MAPK8: variants seen among roughly 807,000 people sequenced by gnomAD.
MAPK8 encodes JUN N-terminal kinase.
MAPK8 carries 13 observed loss-of-function variants against 52.9 expected under a neutral mutation model. The ratio of observed to expected loss-of-function variants is 0.25; its 90% confidence interval spans 0.16 to 0.39. The LOEUF (loss-of-function observed/expected upper bound fraction) is 0.39, where lower values mean the gene tolerates loss of function less well. Among genes scored for constraint, MAPK8 ranks in the 10% least tolerant of loss-of-function variants. MAPK8 has a pLI of 1.00. For missense variants in MAPK8, 300 were observed against 519.2 expected (o/e 0.58, Z 4.10); for synonymous variants, 191 against 169.8 (o/e 1.12, Z -0.97).
chr10:48,403,456 TAAA>T (rs568314320), intron 2 of MAPK8, among the ~76,000 whole-genome samples: 3 of 131,438 alleles, frequency 2.3e-5, no homozygotes, highest in Non-Finnish European at 3.3e-5. Context: ...AGACTCCGTC[TAAA>T]AAAAAAAAAA....
intron 1 of MAPK8, among the ~76,000 whole-genome samples, chr10:48,341,729 A>G (rs1845285150): frequency 6.6e-6 from 1 of 152,252 alleles, no homozygotes; most frequent in Admixed American, 6.5e-5. Context: ...TAGAACTCTG[A>G]TGAGTACAAT....
chr10:48,429,777 A>T (rs1445896529), intron 10 of MAPK8: 1 of 152,130 alleles, frequency 6.6e-6, no homozygotes, highest in Non-Finnish European at 1.5e-5. Flanking sequence ...ATTCCAACAT[A>T]TTCATTTGTT....
At chr10:48,351,824 G>A (rs527750014) in intron 1 of MAPK8, among the ~76,000 whole-genome samples, 1 of 152,210 alleles carries the variant, frequency 6.6e-6, no homozygotes, top group South Asian at 2.1e-4. Context: ...TCAGATTTTA[G>A]AATATTTGCA....
chr10:48,383,212 A>G (rs2041117551), intron 1 of MAPK8, among the ~76,000 whole-genome samples: 1 of 152,016 alleles, frequency 6.6e-6, no homozygotes, highest in Non-Finnish European at 1.5e-5. Flanking sequence ...AAGAGGTGCA[A>G]AGCAAGCCCT....
chr10:48,396,219 C>G (rs188232126), intron 1 of MAPK8, among the ~76,000 whole-genome samples: 1 of 151,748 alleles, frequency 6.6e-6, no homozygotes, highest in Admixed American at 6.6e-5. Context: ...ATGTGTATCC[C>G]GAATATATTT....
intron 1 of MAPK8, among the ~76,000 whole-genome samples, chr10:48,389,414 C>T (rs1235832472): frequency 6.6e-6 from 1 of 152,158 alleles, no homozygotes. Context: ...GAAGCACTTA[C>T]TCAGCGGATC....
At chr10:48,333,688 G>C (rs1190020916) in intron 1 of MAPK8, among the ~76,000 whole-genome samples, 1 of 152,234 alleles carries the variant, frequency 6.6e-6, no homozygotes, top group Non-Finnish European at 1.5e-5. Context: ...AAGGGGTGGG[G>C]ACACGGGGCA....
intron 1 of MAPK8, among the ~76,000 whole-genome samples, chr10:48,312,850 C>G (rs1447951975): frequency 6.6e-6 from 1 of 152,194 alleles, no homozygotes; most frequent in African/African-American, 2.4e-5. Flanking sequence ...TTCACTTTGA[C>G]TCAAAATTCC....
rs11101309 is a variant in MAPK8 at position 48,392,348 on chromosome 10, A to G, written c.-49-9264A>G. Among the ~76,000 whole-genome samples, 52 of 152,314 alleles carry G rather than the reference A, an allele frequency of 3.4e-4. No homozygotes were observed. In the East Asian group the frequency reaches 9.8e-3, roughly 29 times the overall value. ...CTGAGGCCTGGAGCACCCCAACATC[A>G]TAACCAAAGTCTGTAACAAGGTATA... On this transcript the variant is annotated intron_variant, in intron 1 of 11. Coordinates refer to ENST00000374189, the MANE Select transcript of MAPK8 (RefSeq NM_001323329.2).
intron 3 of MAPK8, among the ~76,000 whole-genome samples, chr10:48,407,301 A>G (rs190436235): frequency 1.3e-5 from 2 of 152,328 alleles, no homozygotes; most frequent in South Asian, 2.1e-4. Flanking sequence ...TCTTATTCAC[A>G]TGGATGTTAT....
At chr10:48,352,475 A>G (rs1846431920) in intron 1 of MAPK8, among the ~76,000 whole-genome samples, 2 of 152,206 alleles carry the variant, frequency 1.3e-5, no homozygotes, top group Admixed American at 1.3e-4. Context: ...TCAACATTTG[A>G]AAATCTGTCA....
chr10:48,414,688 A>G lies in MAPK8; in HGVS notation c.450+4520A>G, dbSNP rs149292056. ...ACCTCCTGGGCTCAGTGATCATCCC[A>G]CTTCAGCCTCCCAAGTAGCTAAGAC... On this transcript the variant is annotated intron_variant, in intron 5 of 11. Coordinates refer to ENST00000374189, the MANE Select transcript of MAPK8 (RefSeq NM_001323329.2). Among the ~76,000 whole-genome samples the G allele has an allele frequency of 6.8e-4, 99 of 144,654 alleles. 1 individual carries two copies. In the East Asian group the frequency reaches 0.018, roughly 26 times the overall value. 94.9% of individuals were successfully genotyped at this position (144,654 alleles called of 152,430 possible). A position where few individuals can be genotyped will look rare whatever the true frequency, so the allele number is the denominator to read the frequency against.
intron 11 of MAPK8, among the ~76,000 whole-genome samples, chr10:48,433,608 A>G (rs976177355): frequency 6.6e-6 from 1 of 152,140 alleles, no homozygotes; most frequent in Non-Finnish European, 1.5e-5. Context: ...CTCCCATCAC[A>G]TGCTTTGTCT....
chr10:48,347,838 A>T (rs897271575), intron 1 of MAPK8, among the ~76,000 whole-genome samples: 1 of 152,264 alleles, frequency 6.6e-6, no homozygotes, highest in South Asian at 2.1e-4. Flanking sequence ...TGCTGTTGTG[A>T]ACAGTGCTGC....
At chr10:48,382,574 G>A (rs1014557381) in intron 1 of MAPK8, among the ~76,000 whole-genome samples, 6 of 151,860 alleles carry the variant, frequency 4.0e-5, no homozygotes, top group African/African-American at 1.5e-4. Flanking sequence ...CAAGTTTATT[G>A]TATATGCCTG....
intron 1 of MAPK8, among the ~76,000 whole-genome samples, chr10:48,336,654 T>C (rs1012558319): frequency 7.1e-6 from 1 of 141,674 alleles, no homozygotes; most frequent in Non-Finnish European, 1.5e-5. Context: ...GAAAAATAAC[T>C]TTTTCAAAAG....
At chr10:48,423,408 T>C (rs1215030138) in intron 6 of MAPK8, among the ~76,000 whole-genome samples, 1 of 152,234 alleles carries the variant, frequency 6.6e-6, no homozygotes, top group African/African-American at 2.4e-5. Flanking sequence ...TTTCTCTTAC[T>C]AAGTTTTCCT....
rs1325321418 is a variant in MAPK8 at position 48,435,510 on chromosome 10, G to A, written c.*481G>A. On this transcript the variant is annotated 3_prime_UTR_variant, in exon 12 of 12. Transcript: ENST00000374189. The stretch of plus-strand genomic sequence containing the variant: ...GCTTATCAATGAAATAACCCCAGAG[G>A]AGTGAGGGAAAATAACTTGTAGCCA... 1 of 152,322 alleles carries A rather than the reference G, an allele frequency of 6.6e-6. No individual in the cohort carries two copies. Among genetic ancestry groups the A allele is most frequent in the African/African-American group, 2.4e-5 (1 of 41,436 alleles). 9.4% of individuals were successfully genotyped at this position (152,322 alleles called of 1,614,324 possible).
intron 1 of MAPK8, among the ~76,000 whole-genome samples, chr10:48,337,121 G>C (rs1191196049): frequency 1.3e-5 from 2 of 152,174 alleles, no homozygotes; most frequent in African/African-American, 4.8e-5. Context: ...CCAAATGGAC[G>C]TAATACACAC....
Sources: allele counts gnomAD v4.1 joint callset (sites outside exome capture counted in the v4.1 genomes callset), GRCh38; gene constraint gnomAD v4.1.1; transcripts MANE v1.5; gene names NCBI Gene and HGNC (gene_info 2026-07-23, HGNC 2026-07-21).